Variants in NOX4 observed in about 807,000 individuals in gnomAD.
NOX4 encodes the protein NADPH oxidase 4, also known as kidney oxidase-1.
A neutral mutation model predicts 87.6 loss-of-function variants in NOX4; 69 were observed. The observed-to-expected ratio is 0.79, with a 90% confidence interval of 0.65 to 0.96. NOX4 has a LOEUF of 0.96. NOX4 is among the 40% of genes least tolerant of loss of function. The pLI, the probability that NOX4 is intolerant of heterozygous loss-of-function variation, is 0.00. For synonymous variants in NOX4, 275 were observed against 238.2 expected (o/e 1.15, Z -1.42); for missense variants, 680 against 681.5 (o/e 1.00, Z 0.02).
At chr11:89,404,902 T>C (rs1591137972) in intron 8 of NOX4, among the ~76,000 whole-genome samples, 1 of 152,138 alleles carries the variant, frequency 6.6e-6, no homozygotes, top group Non-Finnish European at 1.5e-5. Context: ...TTTTTATTTA[T>C]ATTACACAGA....
In NOX4 at chr11:89,326,645, G is replaced by GA. The variant is rs1945229694; in HGVS notation, c.*110dup. 2 of 845,164 alleles carry GA rather than the reference G, an allele frequency of 2.4e-6. No homozygotes were observed. Among genetic ancestry groups the GA allele is most frequent in the South Asian group, 5.3e-5 (2 of 37,772 alleles). 52.4% of individuals were successfully genotyped at this position (845,164 alleles called of 1,614,324 possible). A position where few individuals can be genotyped will look rare whatever the true frequency, so the allele number is the denominator to read the frequency against. On this transcript the variant is annotated 3_prime_UTR_variant, in exon 18 of 18. Transcript: ENST00000263317. ...TTCCATTTTAAATAATCATAAATAA[G>GA]AAAACCTTACTATTCTTTGGCATAA...
In NOX4 at chr11:89,335,829, G is replaced by T. The variant is rs780481169; in HGVS notation, c.1616+16C>A. On this transcript the variant is annotated intron_variant, in intron 17 of 17. Transcript: ENST00000263317. ...TTTATTAGCCACATATCAAATTTTT[G>T]AGGTATAGTACTTACCCTCTGTTAT... The T allele has an allele frequency of 5.7e-6, 7 of 1,236,806 alleles. No individual in the cohort carries two copies. The highest frequency in any genetic ancestry group is 2.5e-5 in the Admixed American group (1 of 39,358). The allele number at this position is 1,236,806 out of a possible 1,614,324, so 76.6% of individuals were successfully genotyped here. A position where few individuals can be genotyped will look rare whatever the true frequency, so the allele number is the denominator to read the frequency against.
chr11:89,347,487 G>A lies in NOX4; in HGVS notation c.1218-5294C>T, dbSNP rs374034103. ...AAATATCACAAAGACTTACAAGAAA[G>A]AATTGTGTCATGCATTGGGCATTCC... On this transcript the variant is annotated intron_variant, in intron 13 of 17. Coordinates refer to ENST00000263317, the MANE Select transcript of NOX4 (RefSeq NM_016931.5). 2.0e-5 allele frequency among the ~76,000 whole-genome samples: 3 copies of A among 152,202 alleles called. No homozygotes were observed. The East Asian group carries it at 5.8e-4, about 29-fold the overall frequency.
intron 12 of NOX4, among the ~76,000 whole-genome samples, chr11:89,369,434 G>A (rs1347450376): frequency 1.3e-5 from 2 of 152,066 alleles, no homozygotes; most frequent in Non-Finnish European, 1.5e-5. Context: ...TAAGAGCGGA[G>A]ACTTTGTCAC....
At chr11:89,441,482 A>G (rs918953761) in intron 5 of NOX4, among the ~76,000 whole-genome samples, 5 of 152,122 alleles carry the variant, frequency 3.3e-5, no homozygotes, top group Non-Finnish European at 7.4e-5. Flanking sequence ...CAGACTATGT[A>G]CTAAGAAGGA....
the NOX4 span, among the ~76,000 whole-genome samples, chr11:89,517,639 T>G: frequency 6.6e-6 from 1 of 151,860 alleles, no homozygotes; most frequent in Non-Finnish European, 1.5e-5. Flanking sequence ...CTAATTTTTT[T>G]TTTTTCAATT....
At chr11:89,434,981 T>C (rs1944003751) in intron 6 of NOX4, among the ~76,000 whole-genome samples, 1 of 152,058 alleles carries the variant, frequency 6.6e-6, no homozygotes, top group African/African-American at 2.4e-5. Flanking sequence ...CAAGATGCGT[T>C]ATAAAAGAGC....
At chr11:89,575,045 T>A in the NOX4 span, among the ~76,000 whole-genome samples, 1 of 152,104 alleles carries the variant, frequency 6.6e-6, no homozygotes, top group Non-Finnish European at 1.5e-5. Context: ...TAGCCAACCG[T>A]GGTGGCACGT....
chr11:89,572,654 A>T, the NOX4 span, among the ~76,000 whole-genome samples: 1 of 152,194 alleles, frequency 6.6e-6, no homozygotes. Flanking sequence ...GGTTCACGCC[A>T]TTCTCCTGCC....
chr11:89,348,057 C>G (rs1946292539), intron 13 of NOX4, among the ~76,000 whole-genome samples: 2 of 152,098 alleles, frequency 1.3e-5, no homozygotes, highest in Non-Finnish European at 2.9e-5. Flanking sequence ...GGGATGATTG[C>G]TCGAGGCTAG....
At chr11:89,467,112 G>T (rs1945728389) in intron 2 of NOX4, among the ~76,000 whole-genome samples, 1 of 151,954 alleles carries the variant, frequency 6.6e-6, no homozygotes, top group Non-Finnish European at 1.5e-5. Flanking sequence ...ACTTTGGGAG[G>T]CCAAGGCAGG....
At chr11:89,340,973 A>C (rs866659550) in intron 14 of NOX4, among the ~76,000 whole-genome samples, 10 of 151,926 alleles carry the variant, frequency 6.6e-5, no homozygotes, top group Admixed American at 2.0e-4. Context: ...TGGTTCTGCA[A>C]AAAAAATAGT....
the NOX4 span, among the ~76,000 whole-genome samples, chr11:89,582,752 G>T: frequency 6.6e-6 from 1 of 152,198 alleles, no homozygotes; most frequent in Non-Finnish European, 1.5e-5. Flanking sequence ...TGAGCTACCT[G>T]CTGACAGGTG....
chr11:89,497,522 A>G (rs1002082334), intron 1 of NOX4, among the ~76,000 whole-genome samples: 1 of 152,208 alleles, frequency 6.6e-6, no homozygotes, highest in African/African-American at 2.4e-5. Flanking sequence ...GAGGCTTTGG[A>G]AAGCATCATA....
chr11:89,342,065 A>G lies in NOX4; in HGVS notation c.1337+9T>C. ...ATTTGGATTAACAAAATAGATCAAA[A>G]TGACATACAACAGGGTGTTGAGTAT... On this transcript the variant is annotated intron_variant, in intron 14 of 17. Coordinates refer to ENST00000263317, the MANE Select transcript of NOX4 (RefSeq NM_016931.5). The G allele has an allele frequency of 6.3e-7, 1 of 1,599,988 alleles. No homozygotes were observed. The highest frequency in any genetic ancestry group is 1.1e-5 in the South Asian group (1 of 89,036).
At chr11:89,390,076 G>A (rs1941022685) in intron 11 of NOX4, among the ~76,000 whole-genome samples, 1 of 152,114 alleles carries the variant, frequency 6.6e-6, no homozygotes, top group Non-Finnish European at 1.5e-5. Context: ...TACTTCAAGG[G>A]AACTCTTAAG....
intron 17 of NOX4, among the ~76,000 whole-genome samples, chr11:89,332,626 T>C (rs1451188921): frequency 6.6e-6 from 1 of 151,922 alleles, no homozygotes; most frequent in African/African-American, 2.4e-5. Context: ...TGGGAATTTC[T>C]TGCAGCACCT....
the NOX4 span, among the ~76,000 whole-genome samples, chr11:89,570,651 G>A: frequency 6.6e-6 from 1 of 152,206 alleles, no homozygotes; most frequent in Non-Finnish European, 1.5e-5. Flanking sequence ...GGGCAACATA[G>A]GGAGACCTTG....
At chr11:89,509,669 A>G in the NOX4 span, among the ~76,000 whole-genome samples, 1 of 152,074 alleles carries the variant, frequency 6.6e-6, no homozygotes, top group Non-Finnish European at 1.5e-5. Flanking sequence ...AGAGTATATC[A>G]GAGAAGAAAT....
Sources: allele counts gnomAD v4.1 joint callset (sites outside exome capture counted in the v4.1 genomes callset), GRCh38; gene constraint gnomAD v4.1.1; transcripts MANE v1.5; gene names NCBI Gene and HGNC (gene_info 2026-07-23, HGNC 2026-07-21).